GRB2: variants seen among roughly 807,000 people sequenced by gnomAD.
GRB2 encodes the protein growth factor receptor-bound protein 2.
Under a neutral mutation model 27.4 loss-of-function variants are expected in GRB2, and 2 were observed. The ratio of observed to expected loss-of-function variants is 0.07; its 90% CI spans 0.03 to 0.23. The LOEUF (loss-of-function observed/expected upper bound fraction) is 0.23. Among genes scored for constraint, GRB2 ranks in the 10% least tolerant of loss-of-function variants. The probability of loss-of-function intolerance (pLI) is 1.00; values close to 1 mark genes in which losing one functional copy is unlikely to be tolerated. For synonymous variants in GRB2, 94 were observed against 99.6 expected (o/e 0.94, Z 0.33); for missense variants, 102 against 282.4 (o/e 0.36, Z 4.58).
intron 2 of GRB2, among the ~76,000 whole-genome samples, chr17:75,383,323 C>T (rs1038812755): frequency 4.5e-4 from 68 of 152,266 alleles, no homozygotes; most frequent in Non-Finnish European, 5.9e-4. Context: ...AACTCTCCAT[C>T]AATACTGTGC....
At chr17:75,338,029 C>G (rs1376193423) in intron 2 of GRB2, among the ~76,000 whole-genome samples, 4 of 124,514 alleles carry the variant, frequency 3.2e-5, no homozygotes, top group African/African-American at 1.0e-4. Context: ...CTCCCAGGTT[C>G]AAGTGATTCT....
At chr17:75,383,091 G>A (rs1296845276) in intron 2 of GRB2, among the ~76,000 whole-genome samples, 1 of 152,114 alleles carries the variant, frequency 6.6e-6, no homozygotes, top group Non-Finnish European at 1.5e-5. Flanking sequence ...TTTACCCATG[G>A]CTTCTCACTG....
At chr17:75,366,830 C>A (rs1235873940) in intron 2 of GRB2, among the ~76,000 whole-genome samples, 1 of 151,844 alleles carries the variant, frequency 6.6e-6, no homozygotes, top group Non-Finnish European at 1.5e-5. Flanking sequence ...AGAAAGTAAT[C>A]CAACAAATTT....
At chr17:75,400,965 A>ATT (rs35284165) in intron 1 of GRB2, among the ~76,000 whole-genome samples, 11 of 142,386 alleles carry the variant, frequency 7.7e-5, no homozygotes, top group African/African-American at 1.5e-4. Flanking sequence ...GGATATATCA[A>ATT]TTTTTTTTTT....
At chr17:75,402,688 T>A (rs2079071186) in intron 1 of GRB2, among the ~76,000 whole-genome samples, 4 of 152,182 alleles carry the variant, frequency 2.6e-5, no homozygotes, top group Admixed American at 2.6e-4. Context: ...GGATACTAAA[T>A]TTTAAATAAC....
intron 2 of GRB2, among the ~76,000 whole-genome samples, chr17:75,342,794 A>G (rs1038847961): frequency 5.9e-5 from 9 of 152,050 alleles, no homozygotes; most frequent in African/African-American, 2.2e-4. Flanking sequence ...CGCCTGTAAA[A>G]TTTCAGCACT....
intron 2 of GRB2, among the ~76,000 whole-genome samples, chr17:75,346,964 G>A (rs969490260): frequency 6.6e-6 from 1 of 152,116 alleles, no homozygotes; most frequent in African/African-American, 2.4e-5. Flanking sequence ...AAGGTCAGAC[G>A]AAGGGAGGGT....
intron 2 of GRB2, among the ~76,000 whole-genome samples, chr17:75,357,746 CTT>C (rs1173065203): frequency 6.6e-6 from 1 of 152,180 alleles, no homozygotes; most frequent in Admixed American, 6.5e-5. Flanking sequence ...CATGGTGAAA[CTT>C]TGTCTCTACT....
rs549178597 is a variant in GRB2 at position 75,353,104 on chromosome 17, G to GA, written c.79-20308dup. Among the ~76,000 whole-genome samples, 4 of 149,512 alleles carry GA rather than the reference G, an allele frequency of 2.7e-5. No individual in the cohort carries two copies. In the South Asian group the frequency reaches 8.5e-4, roughly 32 times the overall value. ...GGAGGCTGAGGCAGGAGAATGGCGT[G>GA]AACCCGGGAGGCGGAGCTTGCAGTG... On this transcript the variant is annotated intron_variant, in intron 2 of 5. Transcript: ENST00000316804.
intron 2 of GRB2, among the ~76,000 whole-genome samples, chr17:75,344,922 G>C (rs971148411): frequency 1.3e-5 from 2 of 151,396 alleles, no homozygotes; most frequent in Non-Finnish European, 2.9e-5. Context: ...CCGCTCCTGT[G>C]TGTCAGTTCC....
At chr17:75,393,871 G>T in intron 1 of GRB2, 106 bp from the exon 2 acceptor site, 1 of 532,354 alleles carries the variant, frequency 1.9e-6, no homozygotes, top group Non-Finnish European at 3.3e-6. Context: ...GCTCGGCCTG[G>T]CTCAGCCCTC....
chr17:75,404,398 G>T lies in GRB2; in HGVS notation c.-138+1091C>A, dbSNP rs938066747. The stretch of plus-strand genomic sequence containing the variant: ...AGGGGACGCGCAAAAGTAAAGGAAC[G>T]AAAGCAAGGAAAGAGAGTCTCTTCC... On this transcript the variant is annotated intron_variant, in intron 1 of 5. Coordinates refer to ENST00000316804, the MANE Select transcript of GRB2 (RefSeq NM_002086.5). 1.3e-4 allele frequency among the ~76,000 whole-genome samples: 20 copies of T among 151,952 alleles called. 2 individuals carry two copies. The highest frequency in any genetic ancestry group is 1.1e-3 in the Admixed American group (16 of 15,224).
chr17:75,355,088 G>A (rs909299468), intron 2 of GRB2, among the ~76,000 whole-genome samples: 7 of 152,122 alleles, frequency 4.6e-5, no homozygotes, highest in Non-Finnish European at 2.9e-5. Context: ...GATTACAGGC[G>A]TGAGCCACCG....
At chr17:75,398,070 A>AACAGATCTGCCTG in intron 1 of GRB2, among the ~76,000 whole-genome samples, 1 of 151,684 alleles carries the variant, frequency 6.6e-6, no homozygotes, top group Admixed American at 6.6e-5. Context: ...TCAAACTCCC[A>AACAGATCTGCCTG]CCTCAGCCTC....
At chr17:75,386,802 C>T (rs1351867280) in intron 2 of GRB2, among the ~76,000 whole-genome samples, 1 of 152,206 alleles carries the variant, frequency 6.6e-6, no homozygotes, top group African/African-American at 2.4e-5. Context: ...AACTTCACCT[C>T]TGTCACTTGC....
chr17:75,393,909 C>G lies in GRB2; in HGVS notation c.-137-144G>C, dbSNP rs542197255. ...CCCTCCCTTCCAGGCAACAGCCCCC[C>G]CCCGCCGACTTCTTCCTCTTTTCAG... On this transcript the variant is annotated intron_variant, in intron 1 of 5. Coordinates refer to ENST00000316804, the MANE Select transcript of GRB2 (RefSeq NM_002086.5). 35 of 486,998 alleles carry G rather than the reference C, an allele frequency of 7.2e-5. 1 individual carries two copies. Among genetic ancestry groups the G allele is most frequent in the South Asian group, 4.2e-4 (14 of 33,304 alleles). The allele number at this position is 486,998 out of a possible 1,614,324, so 30.2% of individuals were successfully genotyped here.
rs1344986032 is a variant in GRB2, at chr17:75,359,027, AC to A, written c.79-26231del. Among the ~76,000 whole-genome samples the A allele has an allele frequency of 4.7e-5, 7 of 148,464 alleles. No individual in the cohort carries two copies. In the East Asian group the frequency reaches 1.4e-3, roughly 29 times the overall value. On this transcript the variant is annotated intron_variant, in intron 2 of 5. Transcript: ENST00000316804. Reference sequence around the variant, plus strand: ...CAGGAATTCAAGACCAGCTTCACCAACATAGTGAAATTCTGTCTCTATTTAA... The same window carrying A: ...CAGGAATTCAAGACCAGCTTCACCAAATAGTGAAATTCTGTCTCTATTTAA...
rs2078611052 is a variant in GRB2 at position 75,340,118 on chromosome 17, G to A, written c.79-7321C>T. Among the ~76,000 whole-genome samples the A allele has an allele frequency of 7.9e-5, 12 of 152,180 alleles. No homozygotes were observed. The South Asian group carries it at 2.1e-3, about 26-fold the overall frequency. On this transcript the variant is annotated intron_variant, in intron 2 of 5. Coordinates refer to ENST00000316804, the MANE Select transcript of GRB2 (RefSeq NM_002086.5). Reference sequence around the variant, plus strand: ...TAAAAGAAATAGGCTGTACAGTTATGGTCCCATCAAGCCTTTCAACACGCG... The same window carrying A: ...TAAAAGAAATAGGCTGTACAGTTATAGTCCCATCAAGCCTTTCAACACGCG...
chr17:75,328,089 G>A (rs2078511949), intron 3 of GRB2, among the ~76,000 whole-genome samples: 1 of 152,184 alleles, frequency 6.6e-6, no homozygotes. Context: ...TTGGGAGGCT[G>A]AGGTGGGGTG....
Sources: allele counts gnomAD v4.1 joint callset (sites outside exome capture counted in the v4.1 genomes callset), GRCh38; gene constraint gnomAD v4.1.1; transcripts MANE v1.5; gene names NCBI Gene and HGNC (gene_info 2026-07-23, HGNC 2026-07-21).